ARHGEF10: variants seen among roughly 807,000 people sequenced by gnomAD.
ARHGEF10 encodes the protein Rho guanine nucleotide exchange factor 10, also known as Rho guanine nucleotide exchange factor (GEF) 10.
Under a neutral mutation model 147.4 loss-of-function variants are expected in ARHGEF10, and 140 were observed. The ratio of observed to expected loss-of-function variants is 0.95; its 90% CI spans 0.83 to 1.09. The LOEUF (loss-of-function observed/expected upper bound fraction) is 1.09, where lower values mean the gene tolerates loss of function less well. Among genes scored for constraint, ARHGEF10 ranks in the 50% least tolerant of loss-of-function variants. ARHGEF10 has a pLI of 0.00. For missense variants in ARHGEF10, 2,222 were observed against 1,752.7 expected (o/e 1.27, Z -4.78); for synonymous variants, 902 against 695.8 (o/e 1.30, Z -4.67).
At chr8:1,935,482 G>T (rs1219833251) in intron 26 of ARHGEF10, among the ~76,000 whole-genome samples, 1 of 149,356 alleles carries the variant, frequency 6.7e-6, no homozygotes, top group Non-Finnish European at 1.5e-5. Flanking sequence ...GGCAACCACT[G>T]GTCTTCAGGG....
intron 17 of ARHGEF10, among the ~76,000 whole-genome samples, 185 bp downstream of exon 17, chr8:1,905,901 G>A (rs1019192973): frequency 6.6e-6 from 1 of 152,158 alleles, no homozygotes; most frequent in Non-Finnish European, 1.5e-5. Context: ...TTCAGTGTAA[G>A]TCACCAAGTC....
chr8:1,911,855 C>G (rs1018832377), intron 18 of ARHGEF10, among the ~76,000 whole-genome samples: 3 of 152,210 alleles, frequency 2.0e-5, no homozygotes, highest in African/African-American at 7.2e-5. Flanking sequence ...CCTGTAATAC[C>G]TCCCTCAGAG....
chr8:1,923,546 G>A lies in ARHGEF10; in HGVS notation c.2338G>A (p.Ala780Thr), dbSNP rs747290670. The change falls in exon 20 of 29, where the codon GCT becomes ACT. Residue 780 changes from alanine to threonine, a missense_variant. Coordinates refer to ENST00000349830, the MANE Select transcript of ARHGEF10 (RefSeq NM_014629.4). ...TTTGAAGAAAGAAGATGAAATCAGAGCTGCGGACTGCTGCAGAATTCAGTT... is the reference window on the plus strand; with the variant it reads ...TTTGAAGAAAGAAGATGAAATCAGAACTGCGGACTGCTGCAGAATTCAGTT... The part of the protein sequence containing the change: ...LILKKEDEIR[A>T]ADCCRIQLQL... 3.1e-6 allele frequency: 5 copies of A among 1,613,970 alleles called. No homozygotes were observed. Among genetic ancestry groups the A allele is most frequent in the Admixed American group, 1.7e-5 (1 of 60,010 alleles).
At chr8:1,908,253 A>G (rs1387323072) in intron 17 of ARHGEF10, among the ~76,000 whole-genome samples, 1 of 116,150 alleles carries the variant, frequency 8.6e-6, no homozygotes, top group Non-Finnish European at 1.7e-5. Flanking sequence ...TTTTTTGAGA[A>G]AGAGTCTCGC....
intron 2 of ARHGEF10, among the ~76,000 whole-genome samples, chr8:1,852,016 C>G (rs1023562178): frequency 2.0e-5 from 3 of 152,088 alleles, no homozygotes; most frequent in Admixed American, 2.0e-4. Flanking sequence ...GGACGGCTCT[C>G]AGGCTCAGAC....
chr8:1,857,875 GATCGATCTATCTATCTATCTATCT>G (rs1211542340), intron 2 of ARHGEF10, 61 bp from the exon 3 acceptor site: 95 of 918,444 alleles, frequency 1.0e-4, no homozygotes, highest in Middle Eastern at 7.4e-4. Context: ...AACATAGATC[GATCGATCTATCTATCTATCTATCT>G]ATCTATCTAT....
chr8:1,944,721 A>G (rs897964674), intron 26 of ARHGEF10, among the ~76,000 whole-genome samples: 2 of 152,172 alleles, frequency 1.3e-5, no homozygotes, highest in African/African-American at 4.8e-5. Flanking sequence ...TTCCTGGGGC[A>G]CGCAGTGTCT....
At chr8:1,862,379 C>A (rs1249927141) in intron 4 of ARHGEF10, among the ~76,000 whole-genome samples, 1 of 152,258 alleles carries the variant, frequency 6.6e-6, no homozygotes, top group Non-Finnish European at 1.5e-5. Flanking sequence ...TCCTGCCTAC[C>A]GAAACCAGCT....
At chr8:1,833,227 T>G (rs200558395) in intron 1 of ARHGEF10, among the ~76,000 whole-genome samples, 58 of 72,340 alleles carry the variant, frequency 8.0e-4, no homozygotes, top group East Asian at 1.2e-3. Flanking sequence ...AGCAGAGGGA[T>G]GCAGAGGGAG....
intron 18 of ARHGEF10, among the ~76,000 whole-genome samples, chr8:1,921,395 A>G (rs1039666319): frequency 2.6e-5 from 4 of 152,376 alleles, no homozygotes; most frequent in Admixed American, 2.0e-4. Context: ...GTAGCATAGA[A>G]GGAAAATGCA....
chr8:1,903,766 G>A (rs570031664), intron 16 of ARHGEF10: 35 of 412,568 alleles, frequency 8.5e-5, no homozygotes, highest in African/African-American at 4.4e-4. Context: ...TCAAAATAAC[G>A]GTATTTAATT....
intron 23 of ARHGEF10, 58 bp downstream of exon 23, chr8:1,926,521 G>A (rs1319633747): frequency 1.5e-5 from 23 of 1,494,382 alleles, no homozygotes; most frequent in Non-Finnish European, 2.0e-5. Flanking sequence ...GTTCATGGTC[G>A]GTGTGATGAG....
chr8:1,880,189 C>T (rs772001685), intron 9 of ARHGEF10, 25 bp downstream of exon 9: 7 of 1,525,046 alleles, frequency 4.6e-6, no homozygotes, highest in South Asian at 1.1e-5. Context: ...CCGGCCGCTG[C>T]CCCCACTTGC....
At chr8:1,924,921 G>A (rs1273821294) in intron 21 of ARHGEF10, among the ~76,000 whole-genome samples, 1 of 152,166 alleles carries the variant, frequency 6.6e-6, no homozygotes, top group Non-Finnish European at 1.5e-5. Context: ...TACATCTCTG[G>A]TATTTGAATC....
chr8:1,866,652 C>T (rs200759745), intron 6 of ARHGEF10, 50 bp downstream of exon 6: 121 of 1,556,550 alleles, frequency 7.8e-5, no homozygotes, highest in African/African-American at 2.4e-4. Flanking sequence ...GCTCCACAGA[C>T]GTCACTGCGG....
At position 1,858,048 on chromosome 8, in the gene ARHGEF10, G is replaced by A. The variant is rs761312396; in HGVS notation, c.126G>A (p.Ala42=). Residue 42 remains alanine (A), a synonymous_variant, in exon 3 of 29, where the codon GCG becomes GCA. Transcript: ENST00000349830. ...ACAGTGGAGATGAAATCCCAGAAGC[G>A]GACAGACAGGCCCCATCCGCCCCTG... ...DFDSGDEIPE[A]DRQAPSAPET... is the part of the protein sequence containing the mutation. The A allele has an allele frequency of 8.4e-5, 136 of 1,614,002 alleles. No homozygotes were observed. Among genetic ancestry groups the A allele is most frequent in the African/African-American group, 1.9e-4 (14 of 74,898 alleles).
At chr8:1,910,322 A>G (rs1193760328) in intron 18 of ARHGEF10, among the ~76,000 whole-genome samples, 4 of 152,332 alleles carry the variant, frequency 2.6e-5, no homozygotes, top group African/African-American at 9.6e-5. Flanking sequence ...ATTCACCTGG[A>G]TTTGCAGAAC....
intron 25 of ARHGEF10, among the ~76,000 whole-genome samples, chr8:1,931,209 T>G (rs1449609332): frequency 6.6e-6 from 1 of 152,274 alleles, no homozygotes; most frequent in Non-Finnish European, 1.5e-5. Flanking sequence ...CCTACCACTC[T>G]GCACTCAACT....
chr8:1,885,741 C>T (rs1563229604), intron 11 of ARHGEF10, 34 bp downstream of exon 11: 2 of 1,472,834 alleles, frequency 1.4e-6, no homozygotes, highest in East Asian at 2.3e-5. Flanking sequence ...GGCTGTTGAC[C>T]AGCAGAGCTG....
Sources: gnomAD v4.1 joint callset for allele counts (sites outside exome capture counted in the v4.1 genomes callset) on GRCh38, gnomAD v4.1.1 for gene constraint, MANE v1.5 for transcripts, NCBI Gene and HGNC (gene_info 2026-07-23, HGNC 2026-07-21) for gene names.